AFF3: variants seen among roughly 807,000 people sequenced by gnomAD.
The protein encoded by AFF3 is AF4/FMR2 family member 3.
A neutral mutation model predicts 129.7 loss-of-function variants in AFF3; 32 were observed. The ratio of observed to expected loss-of-function variants is 0.25; its 90% CI spans 0.19 to 0.33. The LOEUF is 0.33. Among genes scored for constraint, AFF3 ranks in the 10% least tolerant of loss-of-function variants. The pLI, the probability that AFF3 is intolerant of heterozygous loss-of-function variation, is 1.00. For synonymous variants in AFF3, 644 were observed against 635.4 expected, an observed-to-expected ratio of 1.01 and a Z score of -0.20; for missense variants, 1,373 against 1,592.0, an observed-to-expected ratio of 0.86 and a Z score of 2.34.
intron 4 of AFF3, among the ~76,000 whole-genome samples, chr2:100,061,975 A>T (rs1000680729): frequency 1.3e-5 from 2 of 152,188 alleles, no homozygotes; most frequent in Non-Finnish European, 2.9e-5. Flanking sequence ...GCTGGTACAC[A>T]GCTAAAAGAT....
intron 7 of AFF3, among the ~76,000 whole-genome samples, chr2:99,891,200 G>A (rs1576288758): frequency 1.3e-5 from 2 of 152,288 alleles, no homozygotes; most frequent in East Asian, 3.9e-4. Context: ...CTGGAGCACA[G>A]AGGCTGTCCT....
At chr2:99,884,185 ATTTATT>A (rs1692933087) in intron 7 of AFF3, among the ~76,000 whole-genome samples, 1 of 152,208 alleles carries the variant, frequency 6.6e-6, no homozygotes, top group Admixed American at 6.5e-5. Flanking sequence ...TTTTTTGATT[ATTTATT>A]TTTAACTGAT....
chr2:99,675,407 C>G (rs946910602), intron 11 of AFF3, among the ~76,000 whole-genome samples: 1 of 152,134 alleles, frequency 6.6e-6, no homozygotes, highest in African/African-American at 2.4e-5. Flanking sequence ...ACGGCCATAC[C>G]GCATCCCAGC....
chr2:99,872,837 C>A (rs1691987803), intron 7 of AFF3, among the ~76,000 whole-genome samples: 1 of 152,060 alleles, frequency 6.6e-6, no homozygotes, highest in South Asian at 2.1e-4. Context: ...CAAAAAAATT[C>A]TTTAAGTATT....
At chr2:99,889,222 C>T (rs1305283001) in intron 7 of AFF3, among the ~76,000 whole-genome samples, 1 of 152,034 alleles carries the variant, frequency 6.6e-6, no homozygotes, top group Non-Finnish European at 1.5e-5. Context: ...TCACTGCAGC[C>T]TCAAACTCCT....
intron 8 of AFF3, among the ~76,000 whole-genome samples, chr2:99,817,286 T>C (rs1687316989): frequency 6.6e-6 from 1 of 152,192 alleles, no homozygotes. Context: ...GTTCAGCCTT[T>C]AGCAATTTGT....
At chr2:100,105,177 T>C in intron 3 of AFF3, 1 of 431,824 alleles carries the variant, frequency 2.3e-6, no homozygotes, top group Non-Finnish European at 3.2e-6. Context: ...CGCCCGGCCT[T>C]GCCCGGGCTG....
At chr2:100,123,657 C>A (rs1482679499) in intron 2 of AFF3, among the ~76,000 whole-genome samples, 1 of 152,118 alleles carries the variant, frequency 6.6e-6, no homozygotes, top group Non-Finnish European at 1.5e-5. Context: ...TCTTAGAAAT[C>A]TCCAGGAGAG....
intron 2 of AFF3, among the ~76,000 whole-genome samples, chr2:100,123,631 G>A (rs146002976): frequency 7.9e-5 from 12 of 152,026 alleles, no homozygotes; most frequent in Non-Finnish European, 1.6e-4. Flanking sequence ...TAGAATAAAG[G>A]CCTCCTCATT....
chr2:100,096,509 G>A (rs1235079551), intron 4 of AFF3, among the ~76,000 whole-genome samples: 1 of 151,810 alleles, frequency 6.6e-6, no homozygotes, highest in Non-Finnish European at 1.5e-5. Context: ...AAAACAGGGA[G>A]AAGGAAATGC....
At chr2:99,663,491 T>C (rs1686419956) in intron 12 of AFF3, among the ~76,000 whole-genome samples, 2 of 152,262 alleles carry the variant, frequency 1.3e-5, no homozygotes, top group Non-Finnish European at 1.5e-5. Flanking sequence ...TGCAGATTTA[T>C]GTTAATGATC....
intron 13 of AFF3, among the ~76,000 whole-genome samples, chr2:99,632,331 CTTATTT>C (rs1370308104): frequency 2.0e-5 from 3 of 152,052 alleles, no homozygotes; most frequent in African/African-American, 7.2e-5. Context: ...CTTTTTAATT[CTTATTT>C]TAAGTAGCCG....
intron 20 of AFF3, among the ~76,000 whole-genome samples, chr2:99,561,046 A>G (rs1225839003): frequency 6.6e-6 from 1 of 152,218 alleles, no homozygotes; most frequent in Non-Finnish European, 1.5e-5. Context: ...TCCCAACAAC[A>G]TACCAAATTA....
At chr2:100,058,097 T>C (rs73966412) in intron 4 of AFF3, among the ~76,000 whole-genome samples, 2,571 of 152,244 alleles carry the variant, frequency 0.017, 39 homozygotes, top group African/African-American at 0.044. Flanking sequence ...TAGCTACAGT[T>C]TTAGTATCAA....
chr2:100,032,131 G>A (rs1684540980), intron 4 of AFF3, among the ~76,000 whole-genome samples: 1 of 152,126 alleles, frequency 6.6e-6, no homozygotes, highest in South Asian at 2.1e-4. Context: ...ATGATTAGAA[G>A]TATGCCTGAG....
intron 13 of AFF3, among the ~76,000 whole-genome samples, chr2:99,625,568 T>C (rs184485178): frequency 3.3e-5 from 5 of 152,306 alleles, no homozygotes; most frequent in Admixed American, 6.5e-5. Flanking sequence ...GGAGATTTCC[T>C]GCTTGAAATT....
chr2:99,589,567 A>G (rs1001619496), intron 15 of AFF3, among the ~76,000 whole-genome samples: 2 of 151,744 alleles, frequency 1.3e-5, no homozygotes, highest in Non-Finnish European at 2.9e-5. Flanking sequence ...ACGCCCAGCT[A>G]TTTTTGTATT....
At chr2:99,785,801 G>A (rs1011699175) in intron 8 of AFF3, among the ~76,000 whole-genome samples, 101 of 152,108 alleles carry the variant, frequency 6.6e-4, no homozygotes, top group African/African-American at 2.3e-3. Context: ...AGGCTGGAGT[G>A]CAATGGCGCA....
chr2:100,126,701 A>G (rs1692206833), intron 2 of AFF3, among the ~76,000 whole-genome samples: 1 of 152,220 alleles, frequency 6.6e-6, no homozygotes, highest in Non-Finnish European at 1.5e-5. Flanking sequence ...TGAGAAACTC[A>G]AAATTATTAC....
Sources: gnomAD v4.1 joint callset for allele counts (sites outside exome capture counted in the v4.1 genomes callset) on GRCh38, gnomAD v4.1.1 for gene constraint, MANE v1.5 for transcripts, NCBI Gene and HGNC (gene_info 2026-07-23, HGNC 2026-07-21) for gene names.